RARB: variants seen among roughly 807,000 people sequenced by gnomAD.
The protein encoded by RARB is retinoic acid receptor beta.
Under a neutral mutation model 51.9 loss-of-function variants are expected in RARB, and 17 were observed. The ratio of observed to expected loss-of-function variants is 0.33; its 90% CI spans 0.22 to 0.49. RARB has a LOEUF of 0.49. Among genes scored for constraint, RARB ranks in the 20% least tolerant of loss-of-function variants. The pLI, the probability that RARB is intolerant of heterozygous loss-of-function variation, is 0.99. For missense variants in RARB, 369 were observed against 550.8 expected (o/e 0.67, Z 3.30); for synonymous variants, 215 against 195.4 (o/e 1.10, Z -0.84).
At chr3:25,085,112 C>G (rs1452890490) in intron 3 of RARB, among the ~76,000 whole-genome samples, 1 of 151,930 alleles carries the variant, frequency 6.6e-6, no homozygotes, top group African/African-American at 2.4e-5. Flanking sequence ...AGCAGAATAC[C>G]AAGAGGAGAC....
intron 2 of RARB, among the ~76,000 whole-genome samples, chr3:25,010,234 C>T (rs1390071961): frequency 6.6e-6 from 1 of 152,012 alleles, no homozygotes. Flanking sequence ...AAATGTCTTT[C>T]CTACAGTGAG....
At chr3:25,570,232 C>A (rs1386857114) in intron 4 of RARB, among the ~76,000 whole-genome samples, 1 of 152,258 alleles carries the variant, frequency 6.6e-6, no homozygotes, top group Admixed American at 6.5e-5. Context: ...GCAACATGAA[C>A]TATTCAGTGC....
chr3:24,951,918 G>T (rs145116777), intron 2 of RARB, among the ~76,000 whole-genome samples: 5 of 152,122 alleles, frequency 3.3e-5, no homozygotes, highest in Non-Finnish European at 7.4e-5. Flanking sequence ...TACAGGAAAC[G>T]TAATACACCC....
intron 2 of RARB, among the ~76,000 whole-genome samples, chr3:24,935,975 T>C (rs1695540530): frequency 6.6e-6 from 1 of 152,170 alleles, no homozygotes; most frequent in African/African-American, 2.4e-5. Context: ...GGAAAATGTA[T>C]AAATCGAAAA....
At chr3:25,013,946 C>A (rs1265867306) in intron 2 of RARB, among the ~76,000 whole-genome samples, 1 of 152,070 alleles carries the variant, frequency 6.6e-6, no homozygotes, top group Middle Eastern at 3.2e-3. Flanking sequence ...TAGCTTCAGG[C>A]ATGTTTGGAT....
intron 2 of RARB, among the ~76,000 whole-genome samples, chr3:24,924,737 C>A (rs1170352702): frequency 6.6e-6 from 1 of 152,048 alleles, no homozygotes; most frequent in African/African-American, 2.4e-5. Context: ...GAGTATATAG[C>A]ATTGTACTTT....
chr3:25,501,940 A>T (rs1697336276), intron 3 of RARB, among the ~76,000 whole-genome samples: 1 of 152,256 alleles, frequency 6.6e-6, no homozygotes, highest in Non-Finnish European at 1.5e-5. Flanking sequence ...GATTTGAAAT[A>T]TACCGGCTTT....
intron 5 of RARB, among the ~76,000 whole-genome samples, chr3:25,194,844 C>T (rs964599242): frequency 6.6e-6 from 1 of 151,856 alleles, no homozygotes; most frequent in African/African-American, 2.4e-5. Flanking sequence ...TCTATGATGG[C>T]CGCTCTGGTC....
At chr3:25,453,173 A>G (rs1709269168) in intron 1 of RARB, among the ~76,000 whole-genome samples, 1 of 151,980 alleles carries the variant, frequency 6.6e-6, no homozygotes, top group African/African-American at 2.4e-5. Context: ...AATGTGCGTA[A>G]AAATGATCAA....
At chr3:24,904,029 G>A (rs896641302) in intron 2 of RARB, among the ~76,000 whole-genome samples, 5 of 152,152 alleles carry the variant, frequency 3.3e-5, no homozygotes, top group African/African-American at 4.8e-5. Context: ...TGTGGAATGA[G>A]TCTTTTCCCA....
chr3:25,292,400 A>G (rs542007115), intron 5 of RARB, among the ~76,000 whole-genome samples: 132 of 152,318 alleles, frequency 8.7e-4, no homozygotes, highest in African/African-American at 3.0e-3. Flanking sequence ...GGGCAGGGAC[A>G]TGTCACTAAG....
chr3:25,095,970 G>A (rs760619772), intron 3 of RARB, among the ~76,000 whole-genome samples: 2 of 152,146 alleles, frequency 1.3e-5, no homozygotes, highest in Non-Finnish European at 2.9e-5. Flanking sequence ...CGCCGGGGAA[G>A]TGAAGGGGCT....
intron 2 of RARB, among the ~76,000 whole-genome samples, chr3:25,027,592 G>A (rs903335605): frequency 4.2e-4 from 61 of 143,958 alleles, no homozygotes; most frequent in African/African-American, 1.6e-3. Context: ...GACAGTCACT[G>A]CAGAAGGTAC....
At chr3:25,294,802 A>G (rs966973177) in intron 5 of RARB, among the ~76,000 whole-genome samples, 4 of 152,122 alleles carry the variant, frequency 2.6e-5, no homozygotes, top group Non-Finnish European at 5.9e-5. Context: ...AAGAAGAGAG[A>G]GGAGGAAGAG....
chr3:25,449,741 T>C (rs1040126624), intron 1 of RARB, among the ~76,000 whole-genome samples: 1 of 143,940 alleles, frequency 6.9e-6, no homozygotes, highest in Non-Finnish European at 1.5e-5. Flanking sequence ...AGACTAGCAA[T>C]CTCTTTCTCT....
chr3:25,093,063 CTCATCTCATGG>C (rs1274355260), intron 3 of RARB, among the ~76,000 whole-genome samples: 1 of 152,170 alleles, frequency 6.6e-6, no homozygotes, highest in African/African-American at 2.4e-5. Flanking sequence ...ATGGATTAGT[CTCATCTCATGG>C]TCATCTCATG....
chr3:25,009,898 C>T (rs1261796487), intron 2 of RARB, among the ~76,000 whole-genome samples: 2 of 152,026 alleles, frequency 1.3e-5, no homozygotes, highest in Non-Finnish European at 2.9e-5. Context: ...TTAACTGAAC[C>T]CGATTTGAAC....
chr3:25,366,949 A>T (rs929651937), intron 5 of RARB, among the ~76,000 whole-genome samples: 8 of 151,862 alleles, frequency 5.3e-5, no homozygotes, highest in African/African-American at 1.7e-4. Context: ...TCAGGATTGT[A>T]GCAACAGGCA....
intron 4 of RARB, among the ~76,000 whole-genome samples, chr3:25,158,641 C>G (rs748105488): frequency 2.0e-5 from 3 of 152,072 alleles, no homozygotes; most frequent in Non-Finnish European, 4.4e-5. Flanking sequence ...AATTGAAGTA[C>G]AAATATAAAG....
Sources: allele counts gnomAD v4.1 joint callset (sites outside exome capture counted in the v4.1 genomes callset), GRCh38; gene constraint gnomAD v4.1.1; transcripts MANE v1.5; gene names NCBI Gene and HGNC (gene_info 2026-07-23, HGNC 2026-07-21).